Variants in RGS14 observed in about 807,000 individuals in gnomAD.
RGS14 encodes the protein regulator of G protein signaling 14, also known as regulator of G-protein signaling 14.
Under a neutral mutation model 63.8 loss-of-function variants are expected in RGS14, and 33 were observed. The ratio of observed to expected loss-of-function variants is 0.52; its 90% confidence interval spans 0.39 to 0.69. The LOEUF (loss-of-function observed/expected upper bound fraction) is 0.69. Ranked by LOEUF, RGS14 falls within the 30% of genes least tolerant of loss-of-function variation. The pLI, the probability that RGS14 is intolerant of heterozygous loss-of-function variation, is 0.00. For synonymous variants in RGS14, 296 were observed against 320.9 expected (o/e 0.92, Z 0.83); for missense variants, 739 against 742.9 (o/e 0.99, Z 0.06).
At position 177,371,820 on chromosome 5, in the gene RGS14, T is replaced by G; in HGVS notation, c.1499-53T>G. On this transcript the variant is annotated intron_variant, in intron 14 of 14. Transcript: ENST00000408923. This position sits in a 1 kb window ranked among gnomAD's most constrained non-coding sequence, Gnocchi z 6.1. Reference sequence around the variant, plus strand: ...GTAAGGCAGTGGGACTATCGTGGGCTGGCATATAGGCAGGTCTGCTGGGGG... The same window carrying G: ...GTAAGGCAGTGGGACTATCGTGGGCGGGCATATAGGCAGGTCTGCTGGGGG... 1 of 1,549,260 alleles carries G rather than the reference T, an allele frequency of 6.5e-7. No homozygotes were observed. Among genetic ancestry groups the G allele is most frequent in the Non-Finnish European group, 8.8e-7 (1 of 1,139,226 alleles).
chr5:177,362,165 C>T (rs1436410485), intron 1 of RGS14, among the ~76,000 whole-genome samples: 5 of 152,198 alleles, frequency 3.3e-5, no homozygotes, highest in African/African-American at 1.2e-4. Flanking sequence ...TACTTGTTCC[C>T]GAATAGCAGA....
chr5:177,362,113 TG>T (rs1485236064), intron 1 of RGS14, among the ~76,000 whole-genome samples: 5 of 152,206 alleles, frequency 3.3e-5, no homozygotes, highest in Non-Finnish European at 7.3e-5. Flanking sequence ...TTGGGAGTGC[TG>T]AGCCCCATGC....
chr5:177,368,909 G>A lies in RGS14; in HGVS notation c.1042G>A (p.Gly348Ser). The change falls in exon 9 of 15, where the codon GGC becomes AGC. Residue 348 changes from glycine (G) to serine (S), a missense_variant. Physicochemically the swap from Gly to Ser is moderately conservative, Grantham distance 56. Transcript: ENST00000408923. ...ACCTGACATCAAGGTCTACCTGGTG[G>A]GCAATGAACAGGTGGGAACGTGACC... ...SLPDIKVYLV[G>S]NEQALVLDQD... 1 of 1,614,080 alleles carries A rather than the reference G, an allele frequency of 6.2e-7. No individual in the cohort carries two copies. The highest frequency in any genetic ancestry group is 8.5e-7 in the Non-Finnish European group (1 of 1,179,962).
rs1168040293 is a variant in RGS14 at position 177,368,952 on chromosome 5, T to C, written c.1053+32T>C. On this transcript the variant is annotated intron_variant, in intron 9 of 14. Coordinates refer to ENST00000408923, the MANE Select transcript of RGS14 (RefSeq NM_006480.5). ...ACGTGACCTGGCTCCAACTCTAACC[T>C]CCTTCCTGATCCTGACCCCAACTCC... 3.1e-6 allele frequency: 5 copies of C among 1,590,182 alleles called. No individual in the cohort carries two copies. The South Asian group carries it at 4.4e-5, about 14-fold the overall frequency.
rs754269863 is a variant in RGS14 at position 177,366,709 on chromosome 5, A to C, written c.248A>C (p.Glu83Ala). 1.2e-6 allele frequency: 2 copies of C among 1,613,806 alleles called. No individual in the cohort carries two copies. Among genetic ancestry groups the C allele is most frequent in the East Asian group, 4.5e-5 (2 of 44,894 alleles). The change falls in exon 4 of 15, where the codon GAG becomes GCG. Residue 83 changes from glutamate to alanine, a missense_variant and splice_region_variant. Transcript: ENST00000408923. ...GCCTCCCCCTCCTTCCCCTCCCAGG[A>C]GTTCCTGAAGAAGGAGTTCAGCGCG... The part of the protein sequence containing the change: ...QDPLGLAYFT[E>A]FLKKEFSAEN...
rs761667601 is a variant in RGS14, at chr5:177,370,859, G to T, written c.1128-46G>T. The T allele has an allele frequency of 1.0e-4, 159 of 1,543,948 alleles. 1 individual carries two copies. The highest frequency in any genetic ancestry group is 6.7e-4 in the Middle Eastern group (3 of 4,484). ...GCGTTTGTCCTGGGAAGGGTTTGGC[G>T]GGGGGCCGGCCCTCCGGCCCTCTGC... On this transcript the variant is annotated intron_variant, in intron 10 of 14. Transcript: ENST00000408923.
intron 1 of RGS14, among the ~76,000 whole-genome samples, chr5:177,365,138 A>G (rs1308669904): frequency 1.3e-5 from 2 of 152,180 alleles, no homozygotes; most frequent in East Asian, 3.8e-4. Context: ...GCACATGTTT[A>G]TACAGCCCAT....
At chr5:177,367,219 T>C (rs1324570577) in intron 5 of RGS14, 185 bp downstream of exon 5, 1 of 1,079,180 alleles carries the variant, frequency 9.3e-7, no homozygotes, top group Non-Finnish European at 1.3e-6. Flanking sequence ...GGAAGGACAG[T>C]TAGAGGCGGA....
At position 177,368,248 on chromosome 5, in the gene RGS14, C is replaced by T; in HGVS notation, c.831C>T (p.Phe277=). The change falls in exon 8 of 15, where the codon TTC becomes TTT. Residue 277 remains phenylalanine, a synonymous_variant. Transcript: ENST00000408923. ...GCCTGGACCTTGGCTTCCTAGCCTT[C>T]GTCAGCAGCAAATCTGAGGTGAGCC... ...SASLDLGFLA[F]VSSKSESHRK... is the part of the protein sequence containing the mutation. 1.9e-6 allele frequency: 3 copies of T among 1,613,064 alleles called. No homozygotes were observed. The highest frequency in any genetic ancestry group is 1.1e-5 in the South Asian group (1 of 91,006).
chr5:177,360,848 G>C (rs909503048), intron 1 of RGS14, among the ~76,000 whole-genome samples: 1 of 152,214 alleles, frequency 6.6e-6, no homozygotes, highest in African/African-American at 2.4e-5. Flanking sequence ...GGGAGGCAGA[G>C]GTTGCAGTGA....
rs769732673 is a variant in RGS14 at position 177,366,782 on chromosome 5, G to C, written c.321G>C (p.Pro107=). The change falls in exon 4 of 15, where the codon CCG becomes CCC. Residue 107 remains proline (P), a synonymous_variant. Coordinates refer to ENST00000408923, the MANE Select transcript of RGS14 (RefSeq NM_006480.5). The part of the protein sequence containing the change: ...WKACERFQQI[P]ASDTQQLAQE... ...CCTGCGAGCGCTTCCAGCAGATCCCGGCCAGCGATACCCAGCAGGTGGGGG... is the reference window on the plus strand; with the variant it reads ...CCTGCGAGCGCTTCCAGCAGATCCCCGCCAGCGATACCCAGCAGGTGGGGG... The C allele has an allele frequency of 4.3e-6, 7 of 1,613,996 alleles. No individual in the cohort carries two copies. The Admixed American group carries it at 1.0e-4, about 23-fold the overall frequency.
intron 1 of RGS14, among the ~76,000 whole-genome samples, chr5:177,362,494 G>A (rs1259966214): frequency 2.6e-5 from 4 of 152,208 alleles, no homozygotes; most frequent in Admixed American, 6.5e-5. Context: ...GGATAAGCAC[G>A]TGGTGGGAAG....
Position 177,365,999 on chromosome 5 carries a change from G to A in RGS14, c.67+15G>A, listed in dbSNP as rs758523462. 5.0e-6 allele frequency: 8 copies of A among 1,613,650 alleles called. No homozygotes were observed. The highest frequency in any genetic ancestry group is 2.2e-5 in the East Asian group (1 of 44,890). On this transcript the variant is annotated intron_variant, in intron 2 of 14. Transcript: ENST00000408923. ...GTCAGATGGAGGTAAGTGACAGAAT[G>A]TGTGGAGAACTGGCTGAGTGGGAGG...
rs367604016 is a variant in RGS14 at position 177,358,996 on chromosome 5, G to T, written c.45+927G>T. ...CTCAGTTTCCTCATCCCTAAAATGA[G>T]GAGGTTGGAATGAATTTCAAGGCTT... On this transcript the variant is annotated intron_variant, in intron 1 of 14. Coordinates refer to ENST00000408923, the MANE Select transcript of RGS14 (RefSeq NM_006480.5). This position sits in a 1 kb window ranked among gnomAD's most constrained non-coding sequence, Gnocchi z 4.8. Among the ~76,000 whole-genome samples, 11 of 152,336 alleles carry T rather than the reference G, an allele frequency of 7.2e-5. No individual in the cohort carries two copies. In the East Asian group the frequency reaches 2.1e-3, roughly 29 times the overall value.
Position 177,358,003 on chromosome 5 carries a change from G to C in RGS14, c.-22G>C. 7.4e-7 allele frequency: 1 copy of C among 1,348,874 alleles called. No individual in the cohort carries two copies. Among genetic ancestry groups the C allele is most frequent in the Non-Finnish European group, 9.6e-7 (1 of 1,041,254 alleles). The allele number at this position is 1,348,874 out of a possible 1,614,324, so 83.6% of individuals were successfully genotyped here. On this transcript the variant is annotated 5_prime_UTR_variant, in exon 1 of 15. Coordinates refer to ENST00000408923, the MANE Select transcript of RGS14 (RefSeq NM_006480.5). This position sits in a 1 kb window ranked among gnomAD's most constrained non-coding sequence, Gnocchi z 4.8. The stretch of plus-strand genomic sequence containing the variant: ...CCCATGGTGGGCAGCCCCCGCGGCG[G>C]GGACCCCTGATCGGCAGCGGCATGC...
At chr5:177,361,792 A>G (rs1761971034) in intron 1 of RGS14, among the ~76,000 whole-genome samples, 1 of 151,938 alleles carries the variant, frequency 6.6e-6, no homozygotes, top group South Asian at 2.1e-4. Context: ...AATTCCTAAG[A>G]AAAAAATATG....
chr5:177,370,432 C>A, intron 9 of RGS14, 159 bp from the exon 10 acceptor site: 2 of 646,792 alleles, frequency 3.1e-6, no homozygotes, highest in South Asian at 3.5e-5. Flanking sequence ...CAGCTTGGTA[C>A]CTTAACCCAT....
intron 3 of RGS14, 71 bp from the exon 4 acceptor site, chr5:177,366,637 T>TTGATCACA (rs1561615333): frequency 1.4e-5 from 21 of 1,457,782 alleles, no homozygotes; most frequent in Non-Finnish European, 2.0e-5. Flanking sequence ...CCCAATCTTT[T>TTGATCACA]TGATCACATC....
At position 177,359,939 on chromosome 5, in the gene RGS14, G is replaced by C. The variant is rs1761924324; in HGVS notation, c.45+1870G>C. On this transcript the variant is annotated intron_variant, in intron 1 of 14. Coordinates refer to ENST00000408923, the MANE Select transcript of RGS14 (RefSeq NM_006480.5). This position sits in a 1 kb window ranked among gnomAD's most constrained non-coding sequence, Gnocchi z 4.4. ...GCCAGAGAGTAGAGCGTCAGCATCT[G>C]AACCCCCAGAACTGCCTGGCCCCAG... Among the ~76,000 whole-genome samples the C allele has an allele frequency of 6.6e-6, 1 of 152,126 alleles. No homozygotes were observed. The highest frequency in any genetic ancestry group is 2.1e-4 in the South Asian group (1 of 4,836).
Sources: allele counts gnomAD v4.1 joint callset (sites outside exome capture counted in the v4.1 genomes callset), GRCh38; gene constraint gnomAD v4.1.1; non-coding constraint Gnocchi (gnomAD v3.1); transcripts MANE v1.5; gene names NCBI Gene and HGNC (gene_info 2026-07-23, HGNC 2026-07-21).